The following EMX2 variants were observed in gnomAD, a reference collection of about 807,000 sequenced individuals.
EMX2 encodes homeobox protein EMX2.
EMX2 carries 6 observed loss-of-function variants against 23.0 expected under a neutral mutation model. The observed-to-expected ratio is 0.26, with a 90% confidence interval of 0.14 to 0.52. EMX2 has a LOEUF of 0.52. Among genes scored for constraint, EMX2 ranks in the 20% least tolerant of loss-of-function variants. EMX2 has a pLI of 0.97. For missense variants in EMX2, 302 were observed against 341.4 expected (o/e 0.88, Z 0.91); for synonymous variants, 175 against 153.3 (o/e 1.14, Z -1.04).
rs761060914 is a variant in EMX2 at position 117,543,303 on chromosome 10, C to T, written c.36C>T (p.Ile12=). ...CGGCGCCCAAGCGCTGCTTCACCAT[C>T]GAGTCGCTGGTGGCCAAGGACAGTC... The part of the protein sequence containing the change: ...FQPAPKRCFT[I]ESLVAKDSPL... The change falls in exon 1 of 3, where the codon ATC becomes ATT. Residue 12 remains isoleucine, a synonymous_variant. Coordinates refer to ENST00000553456, the MANE Select transcript of EMX2 (RefSeq NM_004098.4). 5 of 1,550,552 alleles carry T rather than the reference C, an allele frequency of 3.2e-6. No homozygotes were observed. Among genetic ancestry groups the T allele is most frequent in the East Asian group, 2.4e-5 (1 of 40,870 alleles).
chr10:117,548,326 C>A lies in EMX2; in HGVS notation c.*94C>A. 1 of 1,505,816 alleles carries A rather than the reference C, an allele frequency of 6.6e-7. No homozygotes were observed. The highest frequency in any genetic ancestry group is 9.0e-7 in the Non-Finnish European group (1 of 1,115,050). The allele number at this position is 1,505,816 out of a possible 1,614,324, so 93.3% of individuals were successfully genotyped here. On this transcript the variant is annotated 3_prime_UTR_variant, in exon 3 of 3. Transcript: ENST00000553456. ...AAAAACCCTACAAAACAAAAACAAA[C>A]CGCATACACGTTCACCGAGAAAGGG...
chr10:117,545,826 G>A lies in EMX2; in HGVS notation c.591+10G>A, dbSNP rs753326091. On this transcript the variant is annotated intron_variant, in intron 2 of 2. Transcript: ENST00000553456. The stretch of plus-strand genomic sequence containing the variant: ...CCTCACGGAAACTCAGGTGACTGCG[G>A]CCCGGGCGCGAGGAACCCATCTAGG... The A allele has an allele frequency of 6.2e-7, 1 of 1,613,564 alleles. No homozygotes were observed. Among genetic ancestry groups the A allele is most frequent in the Admixed American group, 1.7e-5 (1 of 60,006 alleles).
At chr10:117,543,715 GCATCCTTCACTGCCCC>G in intron 1 of EMX2, 42 bp downstream of exon 1, 5 of 1,612,918 alleles carry the variant, frequency 3.1e-6, no homozygotes, top group Non-Finnish European at 4.2e-6. Context: ...CGCTCCCGCC[GCATCCTTCACTGCCCC>G]CGGCCTGCTC....
Position 117,548,934 on chromosome 10 carries a change from T to TA in EMX2, c.*702_*703insA, listed in dbSNP as rs557859744. 33 of 323,526 alleles carry TA rather than the reference T, an allele frequency of 1.0e-4. No individual in the cohort carries two copies. The East Asian group carries it at 1.3e-3, about 13-fold the overall frequency. The allele number at this position is 323,526 out of a possible 1,614,324, so 20.0% of individuals were successfully genotyped here. A position where few individuals can be genotyped will look rare whatever the true frequency, so the allele number is the denominator to read the frequency against. ...GGTTCTGTGTGCTTTTTATTTTGATTTTTTTTCCCAAGAAATGTGCAGTCT... is the reference window on the plus strand; with the variant it reads ...GGTTCTGTGTGCTTTTTATTTTGATTATTTTTTCCCAAGAAATGTGCAGTCT... On this transcript the variant is annotated 3_prime_UTR_variant, in exon 3 of 3. Coordinates refer to ENST00000553456, the MANE Select transcript of EMX2 (RefSeq NM_004098.4).
Position 117,548,039 on chromosome 10 carries a change from G to A in EMX2, c.592-26G>A, listed in dbSNP as rs112390083. On this transcript the variant is annotated intron_variant, in intron 2 of 2. Coordinates refer to ENST00000553456, the MANE Select transcript of EMX2 (RefSeq NM_004098.4). ...AGAAGGGTGCTCTGAAAGAACTAAC[G>A]CACCCCATCTGCCTCTCACCCGCAG... 2.2e-3 allele frequency: 3,434 copies of A among 1,597,078 alleles called. 61 individuals are homozygous for A. The African/African-American group carries it at 0.038, about 18-fold the overall frequency.
intron 2 of EMX2, 118 bp from the exon 3 acceptor site, chr10:117,547,946 TC>T: frequency 7.0e-7 from 1 of 1,433,484 alleles, no homozygotes; most frequent in Non-Finnish European, 9.5e-7. Flanking sequence ...GACTTGCATC[TC>T]GGGGGCTGGG....
chr10:117,543,604 C>G lies in EMX2; in HGVS notation c.337C>G (p.Gln113Glu), dbSNP rs1156369090. ...GCCACACCCCCTATTCGCCTCGCAGCAGCGGGATCCGTCCACCTTCTACCC... is the reference window on the plus strand; with the variant it reads ...GCCACACCCCCTATTCGCCTCGCAGGAGCGGGATCCGTCCACCTTCTACCC... ...HSPHPLFASQQRDPSTFYPWL... is the reference protein window; with the variant it reads ...HSPHPLFASQERDPSTFYPWL... Residue 113 changes from glutamine to glutamate, a missense_variant, in exon 1 of 3, where the codon CAG (glutamine) becomes GAG (glutamate). By Grantham distance (29) the Gln-to-Glu change is conservative. This residue lies in a region of EMX2 where 221 missense variants were observed against 206.8 expected (regional missense o/e 1.07). Coordinates refer to ENST00000553456, the MANE Select transcript of EMX2 (RefSeq NM_004098.4). 1.2e-6 allele frequency: 2 copies of G among 1,613,414 alleles called. No homozygotes were observed. Among genetic ancestry groups the G allele is most frequent in the African/African-American group, 2.7e-5 (2 of 74,874 alleles).
At chr10:117,545,373 G>A (rs1022437983) in intron 1 of EMX2, 2 of 421,474 alleles carry the variant, frequency 4.7e-6, no homozygotes, top group African/African-American at 2.1e-5. Flanking sequence ...GCCGGCCGAG[G>A]TCAGGAGCCT....
In EMX2 at chr10:117,543,051, G is replaced by T; in HGVS notation, c.-217G>T. 1 of 526,900 alleles carries T rather than the reference G, an allele frequency of 1.9e-6. No homozygotes were observed. The highest frequency in any genetic ancestry group is 3.2e-6 in the Non-Finnish European group (1 of 314,808). The allele number at this position is 526,900 out of a possible 1,614,324, so 32.6% of individuals were successfully genotyped here. ...GGGCGCGTTTGGTGCAAGATTCTCG[G>T]GATCCTCGGCTTTGCCTCTCCCTCT... On this transcript the variant is annotated 5_prime_UTR_variant, in exon 1 of 3. Transcript: ENST00000553456.
rs8192645 is a variant in EMX2 at position 117,543,840 on chromosome 10, C to G, written c.406+167C>G. On this transcript the variant is annotated intron_variant, in intron 1 of 2. Transcript: ENST00000553456. ...GGCGGCGCGGGGCCGGGCGTGGTGTCGATCCCCAGTCTCCGAAGCTACGAC... is the reference window on the plus strand; with the variant it reads ...GGCGGCGCGGGGCCGGGCGTGGTGTGGATCCCCAGTCTCCGAAGCTACGAC... Among the ~76,000 whole-genome samples the G allele has an allele frequency of 2.9e-3, 441 of 152,346 alleles. 1 individual carries two copies. The highest frequency in any genetic ancestry group is 4.6e-3 in the Non-Finnish European group (315 of 68,028).
chr10:117,547,914 C>T, intron 2 of EMX2, 151 bp from the exon 3 acceptor site: 1 of 1,115,612 alleles, frequency 9.0e-7, no homozygotes, highest in South Asian at 1.4e-5. Flanking sequence ...TGAGGGCAGG[C>T]CTTGGGGAGG....
chr10:117,543,981 G>T (rs1326943483), intron 1 of EMX2, among the ~76,000 whole-genome samples: 1 of 152,212 alleles, frequency 6.6e-6, no homozygotes, highest in Non-Finnish European at 1.5e-5. Context: ...GCCCGGCGCC[G>T]CGGAGCCCAG....
rs1216095727 is a variant in EMX2, at chr10:117,543,474, G to A, written c.207G>A (p.Leu69=). ...GGGGCGTCTACTCCAACCCGGACTT[G>A]GTGTTCGCCGAGGCGGTCTCGCACC... ...AGRGVYSNPD[L]VFAEAVSHPP... The change falls in exon 1 of 3, where the codon TTG becomes TTA. Residue 69 remains leucine (L), a synonymous_variant. Transcript: ENST00000553456. 1.2e-6 allele frequency: 2 copies of A among 1,609,696 alleles called. No individual in the cohort carries two copies. Among genetic ancestry groups the A allele is most frequent in the East Asian group, 4.5e-5 (2 of 44,718 alleles).
rs1263003054 is a variant in EMX2 at position 117,548,417 on chromosome 10, A to T, written c.*185A>T. 6.7e-5 allele frequency: 62 copies of T among 930,308 alleles called. 1 individual carries two copies. The highest frequency in any genetic ancestry group is 1.1e-5 in the Non-Finnish European group (7 of 636,978). 57.6% of individuals were successfully genotyped at this position (930,308 alleles called of 1,614,324 possible). A position where few individuals can be genotyped will look rare whatever the true frequency, so the allele number is the denominator to read the frequency against. The stretch of plus-strand genomic sequence containing the variant: ...TGGACAGCGAGGGCACAGGGTCCCA[A>T]ACCGAGGCCGCGCCAAGATGGCAGA... On this transcript the variant is annotated 3_prime_UTR_variant, in exon 3 of 3. Transcript: ENST00000553456.
Position 117,543,645 on chromosome 10 carries a change from C to A in EMX2, c.378C>A (p.Arg126=). 1 of 1,613,670 alleles carries A rather than the reference C, an allele frequency of 6.2e-7. No individual in the cohort carries two copies. Among genetic ancestry groups the A allele is most frequent in the Non-Finnish European group, 8.5e-7 (1 of 1,179,740 alleles). Residue 126 remains arginine (R), a synonymous_variant, in exon 1 of 3, where the codon CGC becomes CGA. Coordinates refer to ENST00000553456, the MANE Select transcript of EMX2 (RefSeq NM_004098.4). ...CCTTCTACCCCTGGCTCATCCACCG[C>A]TACCGATATCTGGGTCATCGCTTCC... is the stretch of plus-strand genomic sequence containing the variant. The part of the protein sequence containing the change: ...PSTFYPWLIH[R]YRYLGHRFQG...
In EMX2 at chr10:117,545,654, T is replaced by G; in HGVS notation, c.429T>G (p.Ser143Arg). Reference sequence around the variant, plus strand: ...CAGGGAACGACACTAGCCCCGAGAGTTTCCTTTTGCACAACGCGCTGGCCC... The same window carrying G: ...CAGGGAACGACACTAGCCCCGAGAGGTTCCTTTTGCACAACGCGCTGGCCC... ...RFQGNDTSPE[S>R]FLLHNALARK... Residue 143 changes from serine to arginine, a missense_variant, in exon 2 of 3, where the codon AGT (serine) becomes AGG (arginine). Around this residue, in one of 4 missense-constraint regions of EMX2, gnomAD observed 221 missense variants for 206.8 expected, o/e 1.07. Coordinates refer to ENST00000553456, the MANE Select transcript of EMX2 (RefSeq NM_004098.4). 1 of 1,613,644 alleles carries G rather than the reference T, an allele frequency of 6.2e-7. No individual in the cohort carries two copies. Among genetic ancestry groups the G allele is most frequent in the South Asian group, 1.1e-5 (1 of 91,044 alleles).
Position 117,545,756 on chromosome 10 carries a change from C to T in EMX2, c.531C>T (p.His177=). The change falls in exon 2 of 3, where the codon CAC becomes CAT. Residue 177 remains histidine, a synonymous_variant. Transcript: ENST00000553456. ...LRLEHAFEKN[H]YVVGAERKQL... is the part of the protein sequence containing the mutation. ...TGGAACACGCCTTTGAGAAGAATCACTACGTGGTGGGCGCCGAAAGGAAGC... is the reference window on the plus strand; with the variant it reads ...TGGAACACGCCTTTGAGAAGAATCATTACGTGGTGGGCGCCGAAAGGAAGC... 2 of 1,614,066 alleles carry T rather than the reference C, an allele frequency of 1.2e-6. No individual in the cohort carries two copies. The highest frequency in any genetic ancestry group is 2.2e-5 in the South Asian group (2 of 91,090).
At chr10:117,543,798 G>A (rs113636926) in intron 1 of EMX2, 125 bp downstream of exon 1, 5 of 1,472,110 alleles carry the variant, frequency 3.4e-6, no homozygotes, top group African/African-American at 1.4e-5. Flanking sequence ...GGGCCAGCGC[G>A]CCCTGTTGGG....
At chr10:117,543,735 C>T in intron 1 of EMX2, 62 bp downstream of exon 1, 4 of 1,611,600 alleles carry the variant, frequency 2.5e-6, no homozygotes, top group South Asian at 1.1e-5. Flanking sequence ...CTGCCCCCGG[C>T]CTGCTCCGGG....
Sources: gnomAD v4.1 joint callset for allele counts (sites outside exome capture counted in the v4.1 genomes callset) on GRCh38, gnomAD v4.1.1 for gene constraint, gnomAD v4.1.1 regional missense constraint, MANE v1.5 for transcripts, NCBI Gene and HGNC (gene_info 2026-07-23, HGNC 2026-07-21) for gene names.